The following PCDHGB1 variants were observed in gnomAD, a reference collection of about 807,000 sequenced individuals.
PCDHGB1 encodes the protein protocadherin gamma subfamily B, 1, also known as protocadherin gamma-B1.
A neutral mutation model predicts 56.6 loss-of-function variants in PCDHGB1; 34 were observed. The observed-to-expected ratio is 0.60, with a 90% CI of 0.46 to 0.80. The LOEUF is 0.80. PCDHGB1 is among the 30% of genes least tolerant of loss of function. The pLI is 0.00. For synonymous variants in PCDHGB1, 561 were observed against 505.9 expected, an observed-to-expected ratio of 1.11 and a Z score of -1.46; for missense variants, 1,278 against 1,204.6, an observed-to-expected ratio of 1.06 and a Z score of -0.90.
At chr5:141,430,950 TC>T (rs1353555538) in intron 1 of PCDHGB1, 1 of 1,609,980 alleles carries the variant, frequency 6.2e-7, no homozygotes, top group East Asian at 2.2e-5. Flanking sequence ...GAGCGCGGAG[TC>T]CGCATCATCC....
rs1561502758 is a variant in PCDHGB1 at position 141,352,240 on chromosome 5, C to A, written c.1980C>A (p.Phe660Leu). 1 of 1,614,078 alleles carries A rather than the reference C, an allele frequency of 6.2e-7. No homozygotes were observed. The highest frequency in any genetic ancestry group is 1.7e-5 in the Admixed American group (1 of 60,038). Residue 660 changes from phenylalanine (F) to leucine (L), a missense_variant, in exon 1 of 4, where the codon TTC (phenylalanine) becomes TTA (leucine). Phe to Leu is a conservative substitution (Grantham distance 22). Transcript: ENST00000523390. ...LSATATLHLI[F>L]ADSLQEVLPD... is the part of the protein sequence containing the mutation. Reference sequence around the variant, plus strand: ...CCACCGCCACGCTGCACCTAATCTTCGCGGATAGCCTGCAAGAGGTATTGC... The same window carrying A: ...CCACCGCCACGCTGCACCTAATCTTAGCGGATAGCCTGCAAGAGGTATTGC...
Position 141,476,267 on chromosome 5 carries a change from G to A in PCDHGB1, c.2410-18540G>A, listed in dbSNP as rs373758158. The A allele has an allele frequency of 6.8e-6, 11 of 1,613,938 alleles. No homozygotes were observed. Among genetic ancestry groups the A allele is most frequent in the African/African-American group, 1.3e-5 (1 of 74,884 alleles). On this transcript the variant is annotated intron_variant, in intron 1 of 3. Transcript: ENST00000523390. The surrounding 1 kb of genome is among the most constrained non-coding windows in gnomAD (Gnocchi z 7.6). ...GAAGGGTTTCGCTGTGGGCAACGTG[G>A]TCGCGAACCTTGGTTTGGATCTCGG...
At chr5:141,411,556 C>A (rs2095498108) in intron 1 of PCDHGB1, 1 of 152,200 alleles carries the variant, frequency 6.6e-6, no homozygotes, top group Non-Finnish European at 1.5e-5. Context: ...TGCACTCCAG[C>A]CTGGGCGACA....
intron 1 of PCDHGB1, chr5:141,409,838 G>T: frequency 6.2e-7 from 1 of 1,611,532 alleles, no homozygotes; most frequent in Non-Finnish European, 8.5e-7. Context: ...CAGCGCCAAC[G>T]TGAGCCTGCG....
At chr5:141,403,001 T>C (rs1189114508) in intron 1 of PCDHGB1, 11 of 1,613,878 alleles carry the variant, frequency 6.8e-6, no homozygotes, top group African/African-American at 1.3e-5. Flanking sequence ...AGTCCTGCTA[T>C]GCTCGCTCCT....
intron 1 of PCDHGB1, among the ~76,000 whole-genome samples, chr5:141,472,422 C>T (rs1328468154): frequency 6.6e-6 from 1 of 152,008 alleles, no homozygotes; most frequent in East Asian, 1.9e-4. Flanking sequence ...GCACCTGTAT[C>T]CCAGCTACTA....
At chr5:141,449,198 A>C (rs2098631518) in intron 1 of PCDHGB1, among the ~76,000 whole-genome samples, 1 of 152,188 alleles carries the variant, frequency 6.6e-6, no homozygotes, top group Non-Finnish European at 1.5e-5. Context: ...AAGAAGTGTT[A>C]ATTCTAACTT....
intron 1 of PCDHGB1, among the ~76,000 whole-genome samples, chr5:141,382,424 A>G (rs1778195711): frequency 6.6e-6 from 1 of 152,232 alleles, no homozygotes; most frequent in Non-Finnish European, 1.5e-5. Flanking sequence ...TCAGTGCCCA[A>G]AAGAGTCACT....
chr5:141,410,287 C>T (rs1277233674), intron 1 of PCDHGB1: 1 of 1,614,018 alleles, frequency 6.2e-7, no homozygotes, highest in East Asian at 2.2e-5. Context: ...TGGTGGTGGC[C>T]TTGGCCTTAA....
At chr5:141,402,884 T>G in intron 1 of PCDHGB1, 1 of 1,481,582 alleles carries the variant, frequency 6.7e-7, no homozygotes, top group Non-Finnish European at 9.0e-7. Flanking sequence ...CTTTGCAGGG[T>G]GGAAGAAAGA....
chr5:141,355,171 A>G (rs1759739774), intron 1 of PCDHGB1: 1 of 1,572,286 alleles, frequency 6.4e-7, no homozygotes, highest in East Asian at 2.2e-5. Flanking sequence ...GGGAAAACCG[A>G]AGCACAGGCG....
intron 1 of PCDHGB1, chr5:141,375,377 C>CT: frequency 1.2e-6 from 2 of 1,613,940 alleles, no homozygotes; most frequent in South Asian, 2.2e-5. Context: ...AACACCACCT[C>CT]TGTCTACAGA....
chr5:141,398,325 G>A, intron 1 of PCDHGB1: 9 of 1,355,732 alleles, frequency 6.6e-6, no homozygotes, highest in Non-Finnish European at 8.2e-6. Flanking sequence ...CTCGAAAACT[G>A]CGCGTCAGTT....
At chr5:141,371,647 A>G (rs759543088) in intron 1 of PCDHGB1, 2 of 1,614,044 alleles carry the variant, frequency 1.2e-6, no homozygotes, top group South Asian at 1.1e-5. Flanking sequence ...ATCCCAGAAT[A>G]CAATGTGACG....
intron 1 of PCDHGB1, among the ~76,000 whole-genome samples, chr5:141,482,985 C>T (rs971017271): frequency 1.3e-5 from 2 of 151,372 alleles, no homozygotes; most frequent in East Asian, 1.9e-4. Context: ...CTTGAGAGGT[C>T]GAGGCAGGAG....
At chr5:141,361,720 G>C in intron 1 of PCDHGB1, 8 of 1,613,318 alleles carry the variant, frequency 5.0e-6, no homozygotes, top group Non-Finnish European at 5.9e-6. Flanking sequence ...GCGCGCCTTC[G>C]AGCTCACACT....
intron 1 of PCDHGB1, chr5:141,356,481 G>C (rs1760234001): frequency 6.2e-7 from 1 of 1,613,916 alleles, no homozygotes; most frequent in Non-Finnish European, 8.5e-7. Context: ...CCACTGACCA[G>C]GGAACTCCTC....
At chr5:141,461,501 T>G (rs113852528) in intron 1 of PCDHGB1, among the ~76,000 whole-genome samples, 1 of 152,310 alleles carries the variant, frequency 6.6e-6, no homozygotes, top group South Asian at 2.1e-4. Flanking sequence ...TTATTTTTCT[T>G]GGTGATTTGT....
chr5:141,370,805 C>A, intron 1 of PCDHGB1: 2 of 1,614,026 alleles, frequency 1.2e-6, no homozygotes, highest in Non-Finnish European at 1.7e-6. Context: ...GCCAAAATAT[C>A]ACTGAGCTGG....
Sources: allele counts gnomAD v4.1 joint callset (sites outside exome capture counted in the v4.1 genomes callset), GRCh38; gene constraint gnomAD v4.1.1; non-coding constraint Gnocchi (gnomAD v3.1); transcripts MANE v1.5; gene names NCBI Gene and HGNC (gene_info 2026-07-23, HGNC 2026-07-21).